The following MIB1 variants were observed in gnomAD, a reference collection of about 807,000 sequenced individuals.
The protein encoded by MIB1 is E3 ubiquitin-protein ligase MIB1.
A neutral mutation model predicts 124.5 loss-of-function variants in MIB1; 278 were observed. The ratio of observed to expected loss-of-function variants is 2.23; its 90% CI spans 2.02 to 2.47. The LOEUF (loss-of-function observed/expected upper bound fraction) is 2.47, where lower values mean the gene tolerates loss of function less well. Ranked by LOEUF, MIB1 falls within the 30% of genes most tolerant of loss-of-function variation. MIB1 has a pLI of 0.00. For missense variants in MIB1, 957 were observed against 1,254.4 expected (o/e 0.76, Z 3.58); for synonymous variants, 446 against 429.4 (o/e 1.04, Z -0.48).
At chr18:21,723,097 T>C (rs187759672) in intron 1 of MIB1, among the ~76,000 whole-genome samples, 1 of 152,350 alleles carries the variant, frequency 6.6e-6, no homozygotes, top group Admixed American at 6.5e-5. Flanking sequence ...CAATCTTTTA[T>C]TTATATCAGT....
chr18:21,852,033 C>T, intron 17 of MIB1, among the ~76,000 whole-genome samples: 1 of 152,208 alleles, frequency 6.6e-6, no homozygotes, highest in Non-Finnish European at 1.5e-5. Flanking sequence ...ATGTATTAGG[C>T]ACTGATTTTA....
chr18:21,738,510 T>C (rs2040805421), upstream of MIB1, among the ~76,000 whole-genome samples: 1 of 151,556 alleles, frequency 6.6e-6, no homozygotes, highest in Admixed American at 6.6e-5. Flanking sequence ...AGCATCACAA[T>C]TAAAATAACT....
chr18:21,748,727 A>C, intron 1 of MIB1, among the ~76,000 whole-genome samples: 1 of 129,268 alleles, frequency 7.7e-6, no homozygotes, highest in African/African-American at 3.0e-5. Context: ...CATCATGCCC[A>C]GCCTTTTTTT....
intron 1 of MIB1, chr18:21,705,261 C>G (rs2040613855): frequency 6.6e-6 from 1 of 152,256 alleles, no homozygotes; most frequent in African/African-American, 2.4e-5. Flanking sequence ...GAGCATTCAA[C>G]AGTGAGGACA....
At chr18:21,862,075 A>AT (rs1245468635) in intron 20 of MIB1, among the ~76,000 whole-genome samples, 1 of 151,992 alleles carries the variant, frequency 6.6e-6, no homozygotes, top group African/African-American at 2.4e-5. Context: ...CTAATTTATT[A>AT]TTTTTTGTAG....
intron 1 of MIB1, among the ~76,000 whole-genome samples, chr18:21,758,302 GAATTTTAATTAGAGTTGAGGC>G (rs2041057999): frequency 6.6e-6 from 1 of 152,154 alleles, no homozygotes; most frequent in Admixed American, 6.5e-5. Context: ...CCCTCACTGG[GAATTTTAATTAGAGTTGAGGC>G]AATTTCTAAA....
chr18:21,862,550 A>G (rs2042285214), intron 20 of MIB1, among the ~76,000 whole-genome samples: 1 of 152,214 alleles, frequency 6.6e-6, no homozygotes, highest in Admixed American at 6.5e-5. Context: ...ATACTTTTAC[A>G]TTCTTTCAAG....
At chr18:21,800,699 T>G (rs1490956568) in intron 9 of MIB1, among the ~76,000 whole-genome samples, 1 of 152,112 alleles carries the variant, frequency 6.6e-6, no homozygotes, top group Non-Finnish European at 1.5e-5. Context: ...CTTTGGATGT[T>G]TGTTTGTTTT....
At chr18:21,745,711 A>C (rs539855158) in intron 1 of MIB1, among the ~76,000 whole-genome samples, 19 of 131,108 alleles carry the variant, frequency 1.4e-4, no homozygotes, top group East Asian at 9.2e-4. Flanking sequence ...CACACACACA[A>C]AATTTTATTT....
At chr18:21,740,239 G>A (rs141744797), upstream of MIB1, among the ~76,000 whole-genome samples, 1 of 152,264 alleles carries the variant, frequency 6.6e-6, no homozygotes, top group Non-Finnish European at 1.5e-5. Flanking sequence ...TGTAATTAGG[G>A]ACTGAATTTT....
chr18:21,857,342 T>C, intron 19 of MIB1, 99 bp downstream of exon 19: 1 of 739,090 alleles, frequency 1.4e-6, no homozygotes, highest in South Asian at 1.5e-5. Context: ...TTATAAAACC[T>C]AAGATGTCTG....
chr18:21,775,280 C>T (rs998131833), intron 4 of MIB1, among the ~76,000 whole-genome samples: 1 of 152,106 alleles, frequency 6.6e-6, no homozygotes, highest in East Asian at 1.9e-4. Context: ...TGCTCTGTCA[C>T]TCAAGCTGGA....
intron 6 of MIB1, among the ~76,000 whole-genome samples, chr18:21,789,600 C>T (rs773965950): frequency 9.9e-5 from 15 of 151,802 alleles, no homozygotes; most frequent in Admixed American, 9.2e-4. Flanking sequence ...ATTCCTGACC[C>T]GAGGTCAGGA....
chr18:21,749,781 C>T (rs2146385237), intron 1 of MIB1, among the ~76,000 whole-genome samples: 2 of 151,766 alleles, frequency 1.3e-5, no homozygotes, highest in East Asian at 3.9e-4. Context: ...GCTGAGATTA[C>T]AGGCATGCCC....
intron 10 of MIB1, among the ~76,000 whole-genome samples, chr18:21,809,424 C>G (rs946998542): frequency 3.9e-5 from 6 of 151,958 alleles, no homozygotes; most frequent in Admixed American, 2.0e-4. Flanking sequence ...GCCAGCAAAA[C>G]CAGTACAAAG....
rs1486799133 is a variant in MIB1 at position 21,866,387 on chromosome 18, A to G, written c.*1721A>G. On this transcript the variant is annotated 3_prime_UTR_variant, in exon 21 of 21. Transcript: ENST00000261537. Reference sequence around the variant, plus strand: ...AAATTCATGTACACTCAGTTATCTAATAAGGGGCCACCGACGCTGTTTTTA... The same window carrying G: ...AAATTCATGTACACTCAGTTATCTAGTAAGGGGCCACCGACGCTGTTTTTA... 6.6e-6 allele frequency: 1 copy of G among 152,222 alleles called. No individual in the cohort carries two copies. The highest frequency in any genetic ancestry group is 1.5e-5 in the Non-Finnish European group (1 of 68,040). 9.4% of individuals were successfully genotyped at this position (152,222 alleles called of 1,614,324 possible).
In MIB1 at chr18:21,791,547, C is replaced by T. The variant is rs774528584; in HGVS notation, c.1082C>T (p.Ala361Val). Residue 361 changes from alanine to valine, a missense_variant, in exon 7 of 21, where the codon GCG becomes GTG. Ala to Val is a moderately conservative substitution (Grantham distance 64). Coordinates refer to ENST00000261537, the MANE Select transcript of MIB1 (RefSeq NM_020774.4). ...AGAGGACATGGAGAATGGGCTGAAGCGATGCTTCCAGTAAGTATGTTTAGA... is the reference window on the plus strand; with the variant it reads ...AGAGGACATGGAGAATGGGCTGAAGTGATGCTTCCAGTAAGTATGTTTAGA... ...LQRGHGEWAE[A>V]MLPTLGKVGR... is the part of the protein sequence containing the mutation. 7.5e-6 allele frequency: 12 copies of T among 1,610,646 alleles called. No individual in the cohort carries two copies. Among genetic ancestry groups the T allele is most frequent in the Non-Finnish European group, 1.0e-5 (12 of 1,177,740 alleles).
intron 12 of MIB1, among the ~76,000 whole-genome samples, chr18:21,837,177 A>G (rs1361547643): frequency 6.6e-6 from 1 of 152,198 alleles, no homozygotes; most frequent in Non-Finnish European, 1.5e-5. Flanking sequence ...GTAAGCTGTG[A>G]TTCTCAGTAT....
intron 2 of MIB1, among the ~76,000 whole-genome samples, chr18:21,766,349 A>T (rs2041158860): frequency 6.6e-6 from 1 of 152,038 alleles, no homozygotes; most frequent in Admixed American, 6.6e-5. Flanking sequence ...TACTATGTTT[A>T]TGGACACTAG....
Sources: allele counts gnomAD v4.1 joint callset (sites outside exome capture counted in the v4.1 genomes callset), GRCh38; gene constraint gnomAD v4.1.1; transcripts MANE v1.5; gene names NCBI Gene and HGNC (gene_info 2026-07-23, HGNC 2026-07-21).